ENOX2: variants seen among roughly 807,000 people sequenced by gnomAD.
ENOX2 encodes APK1 antigen.
A neutral mutation model predicts 45.0 loss-of-function variants in ENOX2; 36 were observed. The observed-to-expected ratio is 0.80, with a 90% confidence interval of 0.61 to 1.06. ENOX2 has a LOEUF of 1.06. Among genes scored for constraint, ENOX2 ranks in the 50% least tolerant of loss-of-function variants. The probability of loss-of-function intolerance (pLI) is 0.00; values close to 1 mark genes in which losing one functional copy is unlikely to be tolerated. For synonymous variants in ENOX2, 174 were observed against 152.3 expected, an observed-to-expected ratio of 1.14 and a Z score of -1.05; for missense variants, 423 against 462.5, an observed-to-expected ratio of 0.91 and a Z score of 0.78.
chrX:130,783,049 G>C (rs1484152891), intron 3 of ENOX2, among the ~76,000 whole-genome samples: 1 of 111,626 alleles, frequency 9.0e-6, no homozygotes, highest in Admixed American at 9.5e-5. Context: ...GGTAGAGGTG[G>C]GGAGATGCAA....
intron 2 of ENOX2, among the ~76,000 whole-genome samples, chrX:130,797,180 G>A (rs975860257): frequency 8.9e-6 from 1 of 111,975 alleles, no homozygotes; most frequent in African/African-American, 3.2e-5. Flanking sequence ...ACACCTAAGA[G>A]TTCTAGGCAC....
chrX:130,630,744 C>T (rs1233037004), intron 13 of ENOX2, among the ~76,000 whole-genome samples: 4 of 111,127 alleles, frequency 3.6e-5, no homozygotes, highest in African/African-American at 9.8e-5. Context: ...CCAAATCAGA[C>T]AGAAGTAGAG....
intron 2 of ENOX2, among the ~76,000 whole-genome samples, chrX:130,798,689 G>A (rs1473906167): frequency 2.7e-5 from 3 of 112,258 alleles, no homozygotes; most frequent in Non-Finnish European, 3.8e-5. Context: ...CAGAAATATT[G>A]TGTCTGTTTT....
chrX:130,816,323 A>AT (rs1222504060), intron 2 of ENOX2, among the ~76,000 whole-genome samples: 2 of 111,052 alleles, frequency 1.8e-5, no homozygotes, highest in Non-Finnish European at 3.8e-5. Flanking sequence ...ATAGTGGGAG[A>AT]TTTTAACACC....
At chrX:130,633,373 G>C (rs1267718744) in intron 12 of ENOX2, among the ~76,000 whole-genome samples, 1 of 112,374 alleles carries the variant, frequency 8.9e-6, no homozygotes, top group Admixed American at 9.4e-5. Context: ...TGAAATATTT[G>C]GTCACAAATC....
chrX:130,678,979 G>T (rs1398869224), intron 6 of ENOX2, among the ~76,000 whole-genome samples: 1 of 111,598 alleles, frequency 9.0e-6, no homozygotes, highest in Non-Finnish European at 1.9e-5. Flanking sequence ...CGTTCTGGTG[G>T]GGGAGATGGA....
chrX:130,873,259 A>G (rs1272766900), intron 2 of ENOX2, among the ~76,000 whole-genome samples: 1 of 112,427 alleles, frequency 8.9e-6, no homozygotes, highest in Non-Finnish European at 1.9e-5. Flanking sequence ...TTCTCAAAAG[A>G]AGACATTTAT....
chrX:130,713,963 G>A (rs1385498187), intron 3 of ENOX2, among the ~76,000 whole-genome samples: 2 of 111,036 alleles, frequency 1.8e-5, no homozygotes, highest in Non-Finnish European at 3.8e-5. Context: ...AGCTGCTGGT[G>A]GGGGAGGGGG....
chrX:130,852,522 C>T (rs1398772669), intron 2 of ENOX2, among the ~76,000 whole-genome samples: 1 of 111,413 alleles, frequency 9.0e-6, no homozygotes, highest in East Asian at 2.8e-4. Flanking sequence ...GCAAACATAT[C>T]CAGAATGGTC....
At chrX:130,842,946 T>C (rs1320179539) in intron 2 of ENOX2, among the ~76,000 whole-genome samples, 2 of 111,435 alleles carry the variant, frequency 1.8e-5, no homozygotes. Flanking sequence ...ATAGTGTACG[T>C]AAATTTTATG....
At chrX:130,823,439 G>A (rs1414973013) in intron 2 of ENOX2, among the ~76,000 whole-genome samples, 1 of 110,833 alleles carries the variant, frequency 9.0e-6, no homozygotes, top group African/African-American at 3.3e-5. Context: ...TGCAAAATCA[G>A]AGCTTTCACA....
chrX:130,711,625 T>C lies in ENOX2; in HGVS notation c.-38-8371A>G, dbSNP rs185529515. Among the ~76,000 whole-genome samples the C allele has an allele frequency of 6.4e-3, 718 of 111,470 alleles. 9 individuals carry two copies. The highest frequency in any genetic ancestry group is 0.022 in the African/African-American group (679 of 30,655). On this transcript the variant is annotated intron_variant, in intron 3 of 14. Transcript: ENST00000394363. ...GCCTATATATATAGTAGGTAGTCAT[T>C]TTCACATGAGTTGTGAGTGTGGCAG...
chrX:130,753,201 T>A (rs1197951179), intron 3 of ENOX2, among the ~76,000 whole-genome samples: 1 of 111,029 alleles, frequency 9.0e-6, no homozygotes, highest in Non-Finnish European at 1.9e-5. Context: ...TCTTTCTCTC[T>A]CTACCCTGTT....
At chrX:130,736,374 T>C (rs1182108536) in intron 3 of ENOX2, among the ~76,000 whole-genome samples, 2 of 110,863 alleles carry the variant, frequency 1.8e-5, no homozygotes, top group South Asian at 3.8e-4. Flanking sequence ...AAAAAAATGC[T>C]ATGGGATTGT....
intron 3 of ENOX2, among the ~76,000 whole-genome samples, chrX:130,765,328 C>T (rs139211349): frequency 2.7e-3 from 300 of 111,297 alleles, no homozygotes; most frequent in Non-Finnish European, 4.3e-3. Flanking sequence ...TCCCTCCCTC[C>T]TCCTAGCCAA....
At chrX:130,731,535 T>C (rs776818406) in intron 3 of ENOX2, among the ~76,000 whole-genome samples, 1 of 112,030 alleles carries the variant, frequency 8.9e-6, no homozygotes, top group African/African-American at 3.2e-5. Flanking sequence ...GAGGAGAAAC[T>C]TGATCTAAGT....
intron 3 of ENOX2, among the ~76,000 whole-genome samples, chrX:130,776,169 A>G (rs2039851802): frequency 8.9e-6 from 1 of 111,837 alleles, no homozygotes; most frequent in Admixed American, 9.4e-5. Context: ...CTCAAAATGC[A>G]AGAATCCTCT....
intron 2 of ENOX2, among the ~76,000 whole-genome samples, chrX:130,827,733 T>C (rs1414628625): frequency 8.9e-6 from 1 of 111,995 alleles, no homozygotes; most frequent in Non-Finnish European, 1.9e-5. Flanking sequence ...AACCATTTTT[T>C]AAAAGCCAAT....
chrX:130,755,631 G>A (rs1270344894), intron 3 of ENOX2, among the ~76,000 whole-genome samples: 3 of 109,833 alleles, frequency 2.7e-5, no homozygotes, highest in Non-Finnish European at 5.7e-5. Context: ...TTTATTTATA[G>A]GGTACATGAG....
Sources: gnomAD v4.1 joint callset for allele counts (sites outside exome capture counted in the v4.1 genomes callset) on GRCh38, gnomAD v4.1.1 for gene constraint, MANE v1.5 for transcripts, NCBI Gene and HGNC (gene_info 2026-07-23, HGNC 2026-07-21) for gene names.